VANGL1: variants seen among roughly 807,000 people sequenced by gnomAD.
The protein encoded by VANGL1 is vang-like protein 1.
VANGL1 carries 18 observed loss-of-function variants against 48.4 expected under a neutral mutation model. That is an observed-to-expected ratio of 0.37 (90% CI 0.26 to 0.55). The LOEUF is 0.55. Among genes scored for constraint, VANGL1 ranks in the 20% least tolerant of loss-of-function variants. The pLI is 0.81. For missense variants in VANGL1, 667 were observed against 675.8 expected, an observed-to-expected ratio of 0.99 and a Z score of 0.14; for synonymous variants, 257 against 261.8, an observed-to-expected ratio of 0.98 and a Z score of 0.18.
At chr1:115,681,629 C>T (rs1653398769) in intron 4 of VANGL1, among the ~76,000 whole-genome samples, 1 of 151,766 alleles carries the variant, frequency 6.6e-6, no homozygotes, top group African/African-American at 2.4e-5. Context: ...GTTTCAGCCT[C>T]CCGAGTAGCT....
chr1:115,670,624 C>T (rs1371554188), intron 4 of VANGL1, among the ~76,000 whole-genome samples: 2 of 152,310 alleles, frequency 1.3e-5, no homozygotes, highest in South Asian at 4.1e-4. Flanking sequence ...TGCTGGGCCA[C>T]GCCCTCCATC....
chr1:115,665,207 C>T (rs555035751), intron 4 of VANGL1, among the ~76,000 whole-genome samples: 52 of 152,300 alleles, frequency 3.4e-4, no homozygotes, highest in African/African-American at 1.1e-3. Context: ...CAGGGGCCAC[C>T]CTTATACCTC....
At chr1:115,666,977 G>A (rs1043580696) in intron 4 of VANGL1, among the ~76,000 whole-genome samples, 2 of 152,212 alleles carry the variant, frequency 1.3e-5, no homozygotes, top group Non-Finnish European at 2.9e-5. Context: ...GAGTTACTAG[G>A]CCAGAAATAC....
At chr1:115,687,488 A>T (rs1653674242) in intron 7 of VANGL1, among the ~76,000 whole-genome samples, 1 of 139,030 alleles carries the variant, frequency 7.2e-6, no homozygotes, top group Non-Finnish European at 1.6e-5. Context: ...TCATTTAAAA[A>T]TTTTATACTT....
At chr1:115,686,526 CTAGAG>C (rs1449428183) in intron 7 of VANGL1, among the ~76,000 whole-genome samples, 1 of 151,966 alleles carries the variant, frequency 6.6e-6, no homozygotes, top group Non-Finnish European at 1.5e-5. Context: ...AGGAGGCAAA[CTAGAG>C]TAAAGATACA....
At chr1:115,673,792 G>T (rs1188669650) in intron 4 of VANGL1, among the ~76,000 whole-genome samples, 1 of 151,712 alleles carries the variant, frequency 6.6e-6, no homozygotes, top group Non-Finnish European at 1.5e-5. Flanking sequence ...TAGAGATGGG[G>T]TTTCACTTTG....
intron 4 of VANGL1, among the ~76,000 whole-genome samples, chr1:115,668,716 T>C (rs1029980646): frequency 1.3e-5 from 2 of 152,228 alleles, no homozygotes; most frequent in Admixed American, 6.5e-5. Context: ...GACTTTTTTT[T>C]CCTGTGTATT....
Position 115,697,907 on chromosome 1 carries a change from G to T in VANGL1, c.*6528G>T, listed in dbSNP as rs929423349. 2 of 152,200 alleles carry T rather than the reference G, an allele frequency of 1.3e-5. No homozygotes were observed. The highest frequency in any genetic ancestry group is 6.5e-5 in the Admixed American group (1 of 15,268). 9.4% of individuals were successfully genotyped at this position (152,200 alleles called of 1,614,324 possible). On this transcript the variant is annotated 3_prime_UTR_variant, in exon 8 of 8. Transcript: ENST00000355485. ...TATGTGTATGACAAGGCCTGAGTGA[G>T]TTCCTGCATAAACTGGGTAGTGGGC...
intron 4 of VANGL1, among the ~76,000 whole-genome samples, chr1:115,669,999 A>T (rs1652915656): frequency 6.6e-6 from 1 of 152,168 alleles, no homozygotes; most frequent in South Asian, 2.1e-4. Flanking sequence ...GCATATTTGG[A>T]GATGGAGCCC....
intron 2 of VANGL1, 108 bp from the exon 3 acceptor site, chr1:115,659,533 G>GTGTGTA: frequency 7.7e-7 from 1 of 1,305,258 alleles, no homozygotes; most frequent in Non-Finnish European, 1.1e-6. Flanking sequence ...GTGTGTGTGT[G>GTGTGTA]TGTGTGTATG....
intron 4 of VANGL1, among the ~76,000 whole-genome samples, chr1:115,664,949 T>C (rs1652716885): frequency 6.6e-6 from 1 of 152,180 alleles, no homozygotes; most frequent in African/African-American, 2.4e-5. Context: ...ATATATAGAT[T>C]GTGTATTTAG....
At chr1:115,687,987 T>TAGATAGATAGATAGATAGAC (rs781284916) in intron 7 of VANGL1, among the ~76,000 whole-genome samples, 2 of 129,264 alleles carry the variant, frequency 1.5e-5, no homozygotes, top group East Asian at 2.1e-4. Flanking sequence ...GATAGATAGA[T>TAGATAGATAGATAGATAGAC]AGACACATAG....
chr1:115,647,502 G>A (rs1651982699), intron 1 of VANGL1, among the ~76,000 whole-genome samples: 1 of 152,190 alleles, frequency 6.6e-6, no homozygotes, highest in Non-Finnish European at 1.5e-5. Flanking sequence ...TTTAAAATAA[G>A]TTCACTTCGG....
intron 2 of VANGL1, among the ~76,000 whole-genome samples, chr1:115,657,273 G>A (rs1409834651): frequency 1.3e-5 from 2 of 152,182 alleles, no homozygotes; most frequent in Admixed American, 1.3e-4. Context: ...ATAAGGGTGT[G>A]AGAATGAGCT....
intron 4 of VANGL1, among the ~76,000 whole-genome samples, chr1:115,679,687 A>AG (rs1290453304): frequency 5.3e-5 from 8 of 152,246 alleles, no homozygotes; most frequent in Non-Finnish European, 1.0e-4. Context: ...CTCGCTGAAC[A>AG]GAAAAGCAAA....
At chr1:115,664,868 T>C (rs1652714628) in intron 4 of VANGL1, among the ~76,000 whole-genome samples, 2 of 152,248 alleles carry the variant, frequency 1.3e-5, no homozygotes, top group African/African-American at 2.4e-5. Context: ...CATCTCTGCA[T>C]AAAATCTCAT....
In VANGL1 at chr1:115,678,304, G is replaced by A. The variant is rs531747634; in HGVS notation, c.813-4060G>A. 4.1e-3 allele frequency among the ~76,000 whole-genome samples: 629 copies of A among 152,324 alleles called. 1 individual carries two copies. The highest frequency in any genetic ancestry group is 0.015 in the African/African-American group (611 of 41,566). On this transcript the variant is annotated intron_variant, in intron 4 of 7. Transcript: ENST00000355485. Reference sequence around the variant, plus strand: ...GGCTTTGTGGTTCCTTCCATATTTGGAGGGTGGAGAGGAATCAAGGCAAGA... The same window carrying A: ...GGCTTTGTGGTTCCTTCCATATTTGAAGGGTGGAGAGGAATCAAGGCAAGA...
In VANGL1 at chr1:115,694,667, C is replaced by T. The variant is rs1653969806; in HGVS notation, c.*3288C>T. 1 of 152,302 alleles carries T rather than the reference C, an allele frequency of 6.6e-6. No homozygotes were observed. Among genetic ancestry groups the T allele is most frequent in the Middle Eastern group, 3.4e-3 (1 of 294 alleles). 9.4% of individuals were successfully genotyped at this position (152,302 alleles called of 1,614,324 possible). The stretch of plus-strand genomic sequence containing the variant: ...TGCTCCAGCCACTCAGTGAAACCAA[C>T]AAAAGTGAGTCCTTGGTTTACCTTC... On this transcript the variant is annotated 3_prime_UTR_variant, in exon 8 of 8. Coordinates refer to ENST00000355485, the MANE Select transcript of VANGL1 (RefSeq NM_138959.3).
intron 4 of VANGL1, among the ~76,000 whole-genome samples, chr1:115,677,947 C>A (rs1653228872): frequency 6.6e-6 from 1 of 152,184 alleles, no homozygotes; most frequent in Admixed American, 6.5e-5. Flanking sequence ...TGCTTTTGTT[C>A]ATCTCTGGGG....
Sources: gnomAD v4.1 joint callset for allele counts (sites outside exome capture counted in the v4.1 genomes callset) on GRCh38, gnomAD v4.1.1 for gene constraint, MANE v1.5 for transcripts, NCBI Gene and HGNC (gene_info 2026-07-23, HGNC 2026-07-21) for gene names.